TJP2: variants seen among roughly 807,000 people sequenced by gnomAD.
TJP2 encodes tight junction protein 2.
In TJP2, 91 loss-of-function variants were observed where a neutral mutation model predicts 133.1. The ratio of observed to expected loss-of-function variants is 0.68; its 90% CI spans 0.58 to 0.81. The LOEUF is 0.81. Ranked by LOEUF, TJP2 falls within the 40% of genes least tolerant of loss-of-function variation. The pLI, the probability that TJP2 is intolerant of heterozygous loss-of-function variation, is 0.00. For missense variants in TJP2, 1,541 were observed against 1,565.6 expected (o/e 0.98, Z 0.26); for synonymous variants, 592 against 583.4 (o/e 1.01, Z -0.21).
chr9:69,152,333 G>C (rs940245453), intron 2 of TJP2, among the ~76,000 whole-genome samples: 1 of 152,212 alleles, frequency 6.6e-6, no homozygotes. Flanking sequence ...AATTTTGACA[G>C]ATGTGGGATG....
intron 16 of TJP2, among the ~76,000 whole-genome samples, chr9:69,239,295 G>C (rs955804248): frequency 6.7e-6 from 1 of 149,826 alleles, no homozygotes; most frequent in Non-Finnish European, 1.5e-5. Context: ...TGGGCGACAA[G>C]AGTGAAACTC....
exon 1 of TJP2, chr9:69,121,538 C>T (rs1587858872): frequency 1.0e-5 from 2 of 192,698 alleles, no homozygotes; most frequent in East Asian, 3.7e-4. Flanking sequence ...CCGCTGGCGC[C>T]CTCCCATTCC....
chr9:69,190,198 C>A (rs1319603827), intron 1 of TJP2, among the ~76,000 whole-genome samples: 2 of 152,226 alleles, frequency 1.3e-5, no homozygotes, highest in African/African-American at 4.8e-5. Flanking sequence ...TCTGAGGGTA[C>A]ATAAATAAAT....
intron 11 of TJP2, among the ~76,000 whole-genome samples, chr9:69,233,086 ACC>A (rs1243566672): frequency 1.3e-5 from 2 of 152,238 alleles, no homozygotes; most frequent in African/African-American, 4.8e-5. Flanking sequence ...AAGAAAGGAT[ACC>A]AAAATGGGAT....
At chr9:69,234,402 T>TTTC (rs780843162) in intron 11 of TJP2, 37 bp from the exon 12 acceptor site, 71 of 1,217,434 alleles carry the variant, frequency 5.8e-5, no homozygotes, top group African/African-American at 3.5e-4. Flanking sequence ...TTCTTTCTTT[T>TTTC]TTTTTTTTTT....
At chr9:69,246,843 T>C (rs1364704020) in intron 18 of TJP2, 53 bp downstream of exon 18, 1 of 1,479,514 alleles carries the variant, frequency 6.8e-7, no homozygotes, top group Non-Finnish European at 9.5e-7. Context: ...TCTGAAACTT[T>C]TCTCAAGAGG....
intron 1 of TJP2, among the ~76,000 whole-genome samples, chr9:69,138,848 C>G (rs534962137): frequency 6.6e-6 from 1 of 152,072 alleles, no homozygotes; most frequent in Non-Finnish European, 1.5e-5. Context: ...ACCTGGGAGG[C>G]GGATGTTGTA....
At chr9:69,132,654 T>C (rs1822548349) in intron 1 of TJP2, among the ~76,000 whole-genome samples, 1 of 152,224 alleles carries the variant, frequency 6.6e-6, no homozygotes. Context: ...CTATGCCCTT[T>C]GAGGCACTGT....
At chr9:69,193,834 CT>C (rs1459605222) in intron 1 of TJP2, among the ~76,000 whole-genome samples, 1 of 151,890 alleles carries the variant, frequency 6.6e-6, no homozygotes, top group Non-Finnish European at 1.5e-5. Context: ...TTGCTGCCCC[CT>C]GCCTGGATGG....
At chr9:69,223,457 G>A (rs1049937122) in intron 5 of TJP2, among the ~76,000 whole-genome samples, 10 of 152,052 alleles carry the variant, frequency 6.6e-5, no homozygotes, top group Non-Finnish European at 1.2e-4. Context: ...GTAGGCGCCC[G>A]CCACCACACC....
At chr9:69,225,476 C>A in intron 6 of TJP2, 69 bp downstream of exon 6, 1 of 1,032,258 alleles carries the variant, frequency 9.7e-7, no homozygotes, top group East Asian at 2.4e-5. Flanking sequence ...CCACATTCAG[C>A]ACCCACACAG....
intron 17 of TJP2, among the ~76,000 whole-genome samples, chr9:69,241,757 C>G (rs1452973737): frequency 6.6e-6 from 1 of 152,018 alleles, no homozygotes; most frequent in Non-Finnish European, 1.5e-5. Context: ...CTTATTAGGC[C>G]ATAAGAAAGG....
At chr9:69,254,096 A>G in intron 22 of TJP2, 113 bp from the exon 23 acceptor site, 1 of 1,226,284 alleles carries the variant, frequency 8.2e-7, no homozygotes, top group Non-Finnish European at 1.2e-6. Context: ...TGTGGCTCAG[A>G]GGTAAGTGAT....
In TJP2 at chr9:69,169,038, G is replaced by A. The variant is rs555847440; in HGVS notation, c.-10+17267G>A. On this transcript the variant is annotated intron_variant, in intron 2 of 5. Transcript: ENST00000423935. The stretch of plus-strand genomic sequence containing the variant: ...GATGAGGCTACCTGGAAGTGGGGGC[G>A]GGGACGGGGGAGGACACAAGGCCTT... Among the ~76,000 whole-genome samples the A allele has an allele frequency of 4.6e-5, 7 of 152,044 alleles. No homozygotes were observed. In the East Asian group the frequency reaches 9.7e-4, roughly 21 times the overall value.
intron 1 of TJP2, among the ~76,000 whole-genome samples, chr9:69,203,607 A>ATTTTTTTTTTTTTTTTT (rs754221310): frequency 1.5e-5 from 1 of 67,860 alleles, no homozygotes; most frequent in Admixed American, 2.5e-4. Context: ...CCCAGCCTGG[A>ATTTTTTTTTTTTTTTTT]TTTTTTTTTT....
upstream of TJP2, among the ~76,000 whole-genome samples, chr9:69,172,219 A>C (rs942643123): frequency 2.0e-5 from 3 of 152,386 alleles, no homozygotes; most frequent in Middle Eastern, 3.4e-3. Flanking sequence ...TGCCACCAGC[A>C]AAAAAGCTAA....
In TJP2 at chr9:69,229,267, C is replaced by G. The variant is rs1829585149; in HGVS notation, c.1520+17C>G. ...AATATATGGGTATGTATTTCCGTCTCTCTTTGTTTTCCCTTCTTCCTTACA... is the reference window on the plus strand; with the variant it reads ...AATATATGGGTATGTATTTCCGTCTGTCTTTGTTTTCCCTTCTTCCTTACA... On this transcript the variant is annotated intron_variant, in intron 10 of 22. Transcript: ENST00000377245. 6.2e-7 allele frequency: 1 copy of G among 1,611,094 alleles called. No individual in the cohort carries two copies.
intron 1 of TJP2, among the ~76,000 whole-genome samples, chr9:69,131,083 C>T (rs1208721327): frequency 6.6e-6 from 1 of 152,118 alleles, no homozygotes; most frequent in African/African-American, 2.4e-5. Context: ...GGCCGTAGTC[C>T]CAGGGATCAT....
chr9:69,253,021 A>G, intron 22 of TJP2, 121 bp downstream of exon 22: 1 of 851,034 alleles, frequency 1.2e-6, no homozygotes, highest in Non-Finnish European at 1.9e-6. Flanking sequence ...CCACAGATTG[A>G]CTGTTTGCCT....
Sources: gnomAD v4.1 joint callset for allele counts (sites outside exome capture counted in the v4.1 genomes callset) on GRCh38, gnomAD v4.1.1 for gene constraint, MANE v1.5 for transcripts, NCBI Gene and HGNC (gene_info 2026-07-23, HGNC 2026-07-21) for gene names.